Variants in TEX14 observed in about 807,000 individuals in gnomAD.
TEX14 encodes the protein testis expressed 14, intercellular bridge forming factor.
In TEX14, 168 loss-of-function variants were observed where a neutral mutation model predicts 178.6. The ratio of observed to expected loss-of-function variants is 0.94; its 90% confidence interval spans 0.83 to 1.07. The LOEUF is 1.07. Ranked by LOEUF, TEX14 falls within the 50% of genes least tolerant of loss-of-function variation. TEX14 has a pLI of 0.00. For synonymous variants in TEX14, 626 were observed against 634.1 expected (o/e 0.99, Z 0.19); for missense variants, 1,730 against 1,753.6 (o/e 0.99, Z 0.24).
intron 2 of TEX14, among the ~76,000 whole-genome samples, chr17:58,638,342 C>G (rs1352520549): frequency 7.3e-6 from 1 of 136,818 alleles, no homozygotes. Context: ...GACCTTGTCT[C>G]TACTACAATA....
At chr17:58,571,393 G>A (rs895142779) in intron 24 of TEX14, among the ~76,000 whole-genome samples, 2 of 151,698 alleles carry the variant, frequency 1.3e-5, no homozygotes, top group African/African-American at 4.8e-5. Context: ...ATGGCACCAT[G>A]TCCCAGCTAA....
In TEX14 at chr17:58,570,141, A is replaced by G. The variant is rs555506557; in HGVS notation, c.3817+244T>C. Among the ~76,000 whole-genome samples the G allele has an allele frequency of 2.1e-5, 3 of 146,234 alleles. No homozygotes were observed. The East Asian group carries it at 6.1e-4, about 30-fold the overall frequency. ...ACTATGCTAAAACATATTATTATAT[A>G]TTTATAAAAATATTTAAAAGATATG... On this transcript the variant is annotated intron_variant, in intron 25 of 31. Transcript: ENST00000349033.
chr17:58,560,961 T>C (rs2044261818), intron 29 of TEX14, among the ~76,000 whole-genome samples: 1 of 152,236 alleles, frequency 6.6e-6, no homozygotes. Flanking sequence ...CTTCTCATCA[T>C]GTCTCAAGAT....
At chr17:58,641,746 C>G (rs368290094) in intron 2 of TEX14, among the ~76,000 whole-genome samples, 6 of 152,134 alleles carry the variant, frequency 3.9e-5, no homozygotes, top group East Asian at 1.9e-4. Flanking sequence ...ACCTTGTGAT[C>G]TGCCTGCCTC....
intron 2 of TEX14, among the ~76,000 whole-genome samples, chr17:58,649,699 C>T (rs1040608528): frequency 4.6e-5 from 7 of 152,126 alleles, no homozygotes; most frequent in Non-Finnish European, 1.0e-4. Flanking sequence ...GACTGTCTAT[C>T]CACACCATTC....
At chr17:58,558,069 C>G (rs560375188) in intron 30 of TEX14, among the ~76,000 whole-genome samples, 1 of 152,336 alleles carries the variant, frequency 6.6e-6, no homozygotes, top group Non-Finnish European at 1.5e-5. Flanking sequence ...GCTAATGACA[C>G]TAATTCACAA....
chr17:58,571,812 C>T, intron 24 of TEX14, 109 bp downstream of exon 24: 1 of 943,882 alleles, frequency 1.1e-6, no homozygotes. Flanking sequence ...GGAGAGGACC[C>T]AGCTTATTTC....
At chr17:58,642,129 T>C (rs2046589764) in intron 2 of TEX14, among the ~76,000 whole-genome samples, 1 of 152,226 alleles carries the variant, frequency 6.6e-6, no homozygotes, top group South Asian at 2.1e-4. Context: ...CATTTACTTC[T>C]AGGAAAAGTT....
chr17:58,598,742 A>G (rs931637045), intron 14 of TEX14, 134 bp downstream of exon 14: 10 of 904,256 alleles, frequency 1.1e-5, no homozygotes, highest in Admixed American at 4.7e-5. Flanking sequence ...CCTTCCTCCC[A>G]CTCAGGTTAC....
chr17:58,669,339 G>A (rs2047264923), intron 1 of TEX14, among the ~76,000 whole-genome samples: 1 of 151,406 alleles, frequency 6.6e-6, no homozygotes, highest in Non-Finnish European at 1.5e-5. Flanking sequence ...GCGAAAGAGC[G>A]ACACTCTGTC....
At chr17:58,557,403 T>C (rs1013018294) in intron 31 of TEX14, among the ~76,000 whole-genome samples, 1 of 152,210 alleles carries the variant, frequency 6.6e-6, no homozygotes, top group African/African-American at 2.4e-5. Context: ...CCTGAGTAGC[T>C]GGGATTACAG....
intron 1 of TEX14, among the ~76,000 whole-genome samples, chr17:58,658,790 G>A (rs746995143): frequency 5.3e-5 from 8 of 151,872 alleles, no homozygotes; most frequent in Non-Finnish European, 1.0e-4. Flanking sequence ...CCCACCTGAA[G>A]ACCCAGGAAT....
At chr17:58,628,629 T>C (rs1645023139) in intron 3 of TEX14, among the ~76,000 whole-genome samples, 2 of 152,032 alleles carry the variant, frequency 1.3e-5, no homozygotes, top group South Asian at 4.1e-4. Flanking sequence ...GGAGAATCAC[T>C]TGAACCTCGG....
chr17:58,593,505 C>T (rs2045207333), intron 15 of TEX14, 50 bp downstream of exon 15: 1 of 1,374,234 alleles, frequency 7.3e-7, no homozygotes, highest in Non-Finnish European at 1.0e-6. Flanking sequence ...CAGAGACACA[C>T]AGAAGTCTAA....
intron 14 of TEX14, among the ~76,000 whole-genome samples, chr17:58,596,769 G>C (rs1416462597): frequency 6.6e-6 from 1 of 151,500 alleles, no homozygotes; most frequent in Non-Finnish European, 1.5e-5. Flanking sequence ...GGCGTGCTGA[G>C]ACCCCATCTC....
chr17:58,659,267 A>G lies in TEX14; in HGVS notation c.-1-7265T>C, dbSNP rs1298142137. ...AACCCTCCCCCAAGAAAAACACTTT[A>G]TCAGGACCAACAGCGTCTCTCCCCC... On this transcript the variant is annotated intron_variant, in intron 1 of 31. Transcript: ENST00000349033. 5 of 846,358 alleles carry G rather than the reference A, an allele frequency of 5.9e-6. No individual in the cohort carries two copies. In the Admixed American group the frequency reaches 1.9e-4, roughly 32 times the overall value. 52.4% of individuals were successfully genotyped at this position (846,358 alleles called of 1,614,324 possible). A position where few individuals can be genotyped will look rare whatever the true frequency, so the allele number is the denominator to read the frequency against.
At chr17:58,663,025 T>C (rs540706630) in intron 1 of TEX14, among the ~76,000 whole-genome samples, 1 of 148,446 alleles carries the variant, frequency 6.7e-6, no homozygotes, top group Admixed American at 6.8e-5. Flanking sequence ...AGGAGAACGG[T>C]GTGAACCCGG....
chr17:58,630,543 C>G lies in TEX14; in HGVS notation c.148G>C (p.Asp50His). 1 of 1,612,084 alleles carries G rather than the reference C, an allele frequency of 6.2e-7. No homozygotes were observed. The change falls in exon 3 of 32, where the codon GAT becomes CAT. Residue 50 changes from aspartate to histidine, a missense_variant. Asp to His is a moderately conservative substitution (Grantham distance 81). Coordinates refer to ENST00000349033, the MANE Select transcript of TEX14 (RefSeq NM_031272.5). ...GTTTGGCCCAAGGAGTTAACTGCAT[C>G]AACATAAATTCCTGCAAAGGAAATA... ...KKILKKGIYV[D>H]AVNSLGQTAL...
intron 5 of TEX14, among the ~76,000 whole-genome samples, chr17:58,618,362 G>A (rs1195696603): frequency 2.0e-5 from 3 of 152,206 alleles, no homozygotes; most frequent in Non-Finnish European, 2.9e-5. Flanking sequence ...TTGCTGGCCT[G>A]AGGTCATAAA....
Sources: allele counts gnomAD v4.1 joint callset (sites outside exome capture counted in the v4.1 genomes callset), GRCh38; gene constraint gnomAD v4.1.1; transcripts MANE v1.5; gene names NCBI Gene and HGNC (gene_info 2026-07-23, HGNC 2026-07-21).